TSPAN5: variants seen among roughly 807,000 people sequenced by gnomAD.
The protein encoded by TSPAN5 is tetraspanin 5.
In TSPAN5, 10 loss-of-function variants were observed where a neutral mutation model predicts 37.1. The observed-to-expected ratio is 0.27, with a 90% CI of 0.17 to 0.46. The LOEUF (loss-of-function observed/expected upper bound fraction) is 0.46. TSPAN5 is among the 20% of genes least tolerant of loss of function. The probability of loss-of-function intolerance (pLI) is 1.00; values close to 1 mark genes in which losing one functional copy is unlikely to be tolerated. For synonymous variants in TSPAN5, 110 were observed against 118.9 expected (o/e 0.93, Z 0.48); for missense variants, 195 against 326.6 (o/e 0.60, Z 3.11).
chr4:98,652,969 G>A (rs1292612219), intron 1 of TSPAN5, among the ~76,000 whole-genome samples: 3 of 152,138 alleles, frequency 2.0e-5, no homozygotes, highest in East Asian at 1.9e-4. Flanking sequence ...GCCCCACAGA[G>A]GGAGTGGCCA....
At chr4:98,592,886 C>T (rs1469323576) in intron 1 of TSPAN5, among the ~76,000 whole-genome samples, 11 of 147,916 alleles carry the variant, frequency 7.4e-5, no homozygotes, top group South Asian at 2.2e-4. Context: ...TGAATAGTGC[C>T]GCAATAAACA....
At chr4:98,601,100 TATTC>T (rs1755872403) in intron 1 of TSPAN5, among the ~76,000 whole-genome samples, 1 of 152,220 alleles carries the variant, frequency 6.6e-6, no homozygotes, top group Admixed American at 6.5e-5. Context: ...GGCCTTAAAA[TATTC>T]AGTAAACCAG....
chr4:98,481,077 C>A (rs369450480), intron 4 of TSPAN5, among the ~76,000 whole-genome samples: 1 of 151,928 alleles, frequency 6.6e-6, no homozygotes, highest in Admixed American at 6.6e-5. Flanking sequence ...CCACAGACAC[C>A]GCTGTCCAAG....
At chr4:98,588,313 G>A (rs894281428) in intron 1 of TSPAN5, among the ~76,000 whole-genome samples, 21 of 151,830 alleles carry the variant, frequency 1.4e-4, no homozygotes, top group Admixed American at 1.0e-3. Context: ...AACAGAGACC[G>A]CAGAAGATCA....
At chr4:98,580,801 A>G (rs935780426) in intron 1 of TSPAN5, among the ~76,000 whole-genome samples, 2 of 152,124 alleles carry the variant, frequency 1.3e-5, no homozygotes, top group Admixed American at 6.6e-5. Flanking sequence ...CCAATTGGAG[A>G]CCCGTACAGG....
intron 1 of TSPAN5, among the ~76,000 whole-genome samples, chr4:98,524,720 T>C (rs1422542279): frequency 1.3e-5 from 2 of 151,928 alleles, no homozygotes; most frequent in African/African-American, 2.4e-5. Flanking sequence ...CTGAGAATTC[T>C]GAGTACTGAA....
chr4:98,578,347 A>C (rs910446408), intron 1 of TSPAN5, among the ~76,000 whole-genome samples: 5 of 152,232 alleles, frequency 3.3e-5, no homozygotes, highest in Non-Finnish European at 5.9e-5. Flanking sequence ...TTGTCTATTC[A>C]CAGATGAATT....
chr4:98,637,950 C>T (rs1756891662), intron 1 of TSPAN5, among the ~76,000 whole-genome samples: 1 of 152,216 alleles, frequency 6.6e-6, no homozygotes, highest in Non-Finnish European at 1.5e-5. Flanking sequence ...AAGAAATTAT[C>T]TGCCTCAGTC....
chr4:98,601,468 T>C (rs1755879958), intron 1 of TSPAN5, among the ~76,000 whole-genome samples: 1 of 152,244 alleles, frequency 6.6e-6, no homozygotes, highest in African/African-American at 2.4e-5. Context: ...CTTGCGCTTT[T>C]ATGTTATGAA....
At chr4:98,487,173 G>A (rs957954653) in intron 2 of TSPAN5, among the ~76,000 whole-genome samples, 2 of 150,780 alleles carry the variant, frequency 1.3e-5, no homozygotes, top group Non-Finnish European at 1.5e-5. Flanking sequence ...AGGGAAGGAG[G>A]GAGGGAAACT....
At position 98,658,420 on chromosome 4, in the gene TSPAN5, G is replaced by A. The variant is rs909733861; in HGVS notation, c.-194C>T. On this transcript the variant is annotated 5_prime_UTR_variant, in exon 1 of 8. Transcript: ENST00000305798. ...CCGCACCTCCAGCCCCTCGCGCGCCGAGGCCGCCGGAGCCGGGGTGGCCGC... is the reference window on the plus strand; with the variant it reads ...CCGCACCTCCAGCCCCTCGCGCGCCAAGGCCGCCGGAGCCGGGGTGGCCGC... 1 of 336,266 alleles carries A rather than the reference G, an allele frequency of 3.0e-6. No homozygotes were observed. The highest frequency in any genetic ancestry group is 2.2e-5 in the African/African-American group (1 of 46,002). 20.8% of individuals were successfully genotyped at this position (336,266 alleles called of 1,614,324 possible).
chr4:98,586,686 G>A (rs1448572601), intron 1 of TSPAN5, among the ~76,000 whole-genome samples: 4 of 152,196 alleles, frequency 2.6e-5, no homozygotes, highest in African/African-American at 7.2e-5. Context: ...TTAATCAAGC[G>A]AAAAGCAGCT....
intron 1 of TSPAN5, among the ~76,000 whole-genome samples, chr4:98,632,491 G>A (rs1756769813): frequency 6.6e-6 from 1 of 152,030 alleles, no homozygotes; most frequent in Non-Finnish European, 1.5e-5. Flanking sequence ...AAAGTGAAAG[G>A]GGACACTATT....
At chr4:98,642,268 C>T (rs1756973490) in intron 1 of TSPAN5, among the ~76,000 whole-genome samples, 1 of 152,088 alleles carries the variant, frequency 6.6e-6, no homozygotes, top group Admixed American at 6.6e-5. Context: ...AAGAAGGGGG[C>T]AGGTGAGGGA....
rs144281160 is a variant in TSPAN5 at position 98,550,162 on chromosome 4, A to G, written c.82-42434T>C. 5.9e-3 allele frequency among the ~76,000 whole-genome samples: 904 copies of G among 152,098 alleles called. 12 individuals are homozygous for G. Among genetic ancestry groups the G allele is most frequent in the African/African-American group, 0.02 (836 of 41,518 alleles). On this transcript the variant is annotated intron_variant, in intron 1 of 7. Transcript: ENST00000305798. ...ATAGGGTGTCATTTCCCCAGTGTAC[A>G]TTTTTGTTGAATTTGTTGAAAATCA...
At chr4:98,622,382 C>T (rs1756500265) in intron 1 of TSPAN5, among the ~76,000 whole-genome samples, 1 of 152,218 alleles carries the variant, frequency 6.6e-6, no homozygotes, top group African/African-American at 2.4e-5. Context: ...CAGCCTCATG[C>T]ACACATTTTA....
chr4:98,531,589 A>G (rs1440975487), intron 1 of TSPAN5, among the ~76,000 whole-genome samples: 1 of 152,186 alleles, frequency 6.6e-6, no homozygotes, highest in East Asian at 1.9e-4. Flanking sequence ...CAGTAATGGC[A>G]CTGTTGGGTC....
intron 1 of TSPAN5, among the ~76,000 whole-genome samples, chr4:98,605,912 A>C (rs531268432): frequency 1.3e-5 from 2 of 152,210 alleles, no homozygotes; most frequent in African/African-American, 4.8e-5. Flanking sequence ...GTCCCCACAC[A>C]ACCCTGCCTC....
At chr4:98,620,537 C>A (rs1756457421) in intron 1 of TSPAN5, among the ~76,000 whole-genome samples, 1 of 152,330 alleles carries the variant, frequency 6.6e-6, no homozygotes, top group South Asian at 2.1e-4. Context: ...TTTAGAAGTG[C>A]TTTGTCACAC....
Sources: gnomAD v4.1 joint callset for allele counts (sites outside exome capture counted in the v4.1 genomes callset) on GRCh38, gnomAD v4.1.1 for gene constraint, MANE v1.5 for transcripts, NCBI Gene and HGNC (gene_info 2026-07-23, HGNC 2026-07-21) for gene names.